PAOX: variants seen among roughly 807,000 people sequenced by gnomAD.
PAOX encodes polyamine oxidase.
In PAOX, 38 loss-of-function variants were observed where a neutral mutation model predicts 39.0. That is an observed-to-expected ratio of 0.97 (90% CI 0.75 to 1.28). The LOEUF is 1.28. Ranked by LOEUF, PAOX falls within the 50% of genes most tolerant of loss-of-function variation. The probability of loss-of-function intolerance (pLI) is 0.00; values close to 1 mark genes in which losing one functional copy is unlikely to be tolerated. For missense variants in PAOX, 667 were observed against 685.7 expected (o/e 0.97, Z 0.30); for synonymous variants, 311 against 314.4 (o/e 0.99, Z 0.11).
In PAOX at chr10:133,381,551, G is replaced by T. The variant is rs746122020; in HGVS notation, c.760G>T (p.Gly254Trp). 23 of 1,613,712 alleles carry T rather than the reference G, an allele frequency of 1.4e-5. No individual in the cohort carries two copies. The highest frequency in any genetic ancestry group is 1.9e-5 in the Non-Finnish European group (22 of 1,180,046). Residue 254 changes from glycine to tryptophan, a missense_variant, in exon 3 of 7, where the codon GGG (glycine) becomes TGG (tryptophan). Coordinates refer to ENST00000278060, the MANE Select transcript of PAOX (RefSeq NM_152911.4). Reference sequence around the variant, plus strand: ...GCCTGTGAAGACCATCCACTGGAACGGGTCCTTCCAGGAGGCAGCCTTTCC... The same window carrying T: ...GCCTGTGAAGACCATCCACTGGAACTGGTCCTTCCAGGAGGCAGCCTTTCC... Reference protein sequence around the residue: ...EKPVKTIHWNGSFQEAAFPGE... With the variant: ...EKPVKTIHWNWSFQEAAFPGE...
In PAOX at chr10:133,384,861, C is replaced by A. The variant is rs995339832; in HGVS notation, c.1121+649C>A. Among the ~76,000 whole-genome samples the A allele has an allele frequency of 6.6e-6, 1 of 152,164 alleles. No homozygotes were observed. Among genetic ancestry groups the A allele is most frequent in the Non-Finnish European group, 1.5e-5 (1 of 68,034 alleles). ...GGCACCAAGTTCTTGTTCTGAAAGACCCGGGATGGGGTGGGATGTAGGGCA... is the reference window on the plus strand; with the variant it reads ...GGCACCAAGTTCTTGTTCTGAAAGAACCGGGATGGGGTGGGATGTAGGGCA... On this transcript the variant is annotated intron_variant, in intron 4 of 6. Coordinates refer to ENST00000278060, the MANE Select transcript of PAOX (RefSeq NM_152911.4). The surrounding 1 kb of genome is among the most constrained non-coding windows in gnomAD (Gnocchi z 4.3).
chr10:133,389,134 C>G, intron 5 of PAOX, 66 bp downstream of exon 5: 1 of 1,319,410 alleles, frequency 7.6e-7, no homozygotes, highest in South Asian at 1.2e-5. Flanking sequence ...TAAACAGAAA[C>G]TAGACTTTGC....
intron 4 of PAOX, among the ~76,000 whole-genome samples, chr10:133,385,266 A>T (rs1849500199): frequency 6.6e-6 from 1 of 152,076 alleles, no homozygotes. Context: ...ACTGCACTCC[A>T]GCCTTGGCAA....
Position 133,385,744 on chromosome 10 carries a change from C to T in PAOX, c.1121+1532C>T, listed in dbSNP as rs189788854. ...AACTACAGGCACCCACCACCACGCCCGGCTAATTGTTTGTATTTTTAGTAG... is the reference window on the plus strand; with the variant it reads ...AACTACAGGCACCCACCACCACGCCTGGCTAATTGTTTGTATTTTTAGTAG... On this transcript the variant is annotated intron_variant, in intron 4 of 6. Coordinates refer to ENST00000278060, the MANE Select transcript of PAOX (RefSeq NM_152911.4). Among the ~76,000 whole-genome samples, 411 of 152,116 alleles carry T rather than the reference C, an allele frequency of 2.7e-3. 2 individuals carry two copies. The highest frequency in any genetic ancestry group is 9.5e-3 in the African/African-American group (395 of 41,482).
chr10:133,383,809 A>G (rs1849460931), intron 3 of PAOX, 151 bp from the exon 4 acceptor site: 1 of 1,052,816 alleles, frequency 9.5e-7, no homozygotes, highest in Non-Finnish European at 1.4e-6. Context: ...ACCCTATCTC[A>G]AAAACAAGGA....
chr10:133,379,904 T>C, intron 1 of PAOX, 95 bp from the exon 2 acceptor site: 1 of 1,466,802 alleles, frequency 6.8e-7, no homozygotes, highest in Non-Finnish European at 9.0e-7. Flanking sequence ...TACATCCTCC[T>C]TGGGAAGGCC....
Position 133,390,705 on chromosome 10 carries a change from A to G in PAOX, c.1393-607A>G. 1.7e-5 allele frequency: 9 copies of G among 539,006 alleles called. No homozygotes were observed. In the South Asian group the frequency reaches 2.0e-4, roughly 12 times the overall value. The allele number at this position is 539,006 out of a possible 1,614,324, so 33.4% of individuals were successfully genotyped here. ...TCCAATCAGCTCATGGTCTCTCTTC[A>G]GTGAACCTGCTTGGAAATGTTGCTT... is the stretch of plus-strand genomic sequence containing the variant. On this transcript the variant is annotated intron_variant, in intron 6 of 6. Coordinates refer to ENST00000278060, the MANE Select transcript of PAOX (RefSeq NM_152911.4).
At chr10:133,388,137 A>AAT (rs1400315360) in intron 4 of PAOX, among the ~76,000 whole-genome samples, 1 of 152,188 alleles carries the variant, frequency 6.6e-6, no homozygotes, top group East Asian at 1.9e-4. Flanking sequence ...TTTATTTTTT[A>AAT]ATATATATAT....
intron 4 of PAOX, among the ~76,000 whole-genome samples, chr10:133,388,173 GA>G (rs1468938449): frequency 1.3e-5 from 2 of 151,958 alleles, no homozygotes; most frequent in Non-Finnish European, 2.9e-5. Flanking sequence ...CAGAGGCAGG[GA>G]TATACGTGCA....
Position 133,380,288 on chromosome 10 carries a change from G to T in PAOX, c.471G>T (p.Glu157Asp). ...AGACCCCGGTGCCCAGCGTCGGGGAGTACCTCAAGAAGGAGATTGGCCAGC... is the reference window on the plus strand; with the variant it reads ...AGACCCCGGTGCCCAGCGTCGGGGATTACCTCAAGAAGGAGATTGGCCAGC... Reference protein sequence around the residue: ...AAETPVPSVGEYLKKEIGQHV... With the variant: ...AAETPVPSVGDYLKKEIGQHV... The change falls in exon 2 of 7, where the codon GAG becomes GAT. Residue 157 changes from glutamate (E) to aspartate (D), a missense_variant. Transcript: ENST00000278060. The T allele has an allele frequency of 6.2e-7, 1 of 1,612,930 alleles. No individual in the cohort carries two copies. The highest frequency in any genetic ancestry group is 8.5e-7 in the Non-Finnish European group (1 of 1,180,030).
intron 6 of PAOX, among the ~76,000 whole-genome samples, chr10:133,390,036 C>T (rs1293568675): frequency 6.6e-6 from 1 of 152,194 alleles, no homozygotes; most frequent in Non-Finnish European, 1.5e-5. Flanking sequence ...AGCTGATTCT[C>T]ATCGCTAAGT....
chr10:133,380,038 C>T lies in PAOX; in HGVS notation c.221C>T (p.Pro74Leu), dbSNP rs1403406296. The stretch of plus-strand genomic sequence containing the variant: ...GTGGGCGCGCACTGGATCCATGGGC[C>T]CTCCCGGGGTAACCCCGTCTTCCAG... ...VEVGAHWIHG[P>L]SRGNPVFQLA... Residue 74 changes from proline (P) to leucine (L), a missense_variant, in exon 2 of 7, where the codon CCC becomes CTC. Pro to Leu is a moderately conservative substitution (Grantham distance 98). Transcript: ENST00000278060. The T allele has an allele frequency of 5.9e-6, 9 of 1,520,024 alleles. No homozygotes were observed. In the Admixed American group the frequency reaches 1.8e-4, roughly 30 times the overall value. 94.2% of individuals were successfully genotyped at this position (1,520,024 alleles called of 1,614,324 possible).
intron 6 of PAOX, 149 bp downstream of exon 6, chr10:133,389,896 A>ATTTTTTTTTTTTTTTTTTTTTTTTTTT: frequency 1.1e-6 from 1 of 931,408 alleles, no homozygotes; most frequent in Non-Finnish European, 1.5e-6. Flanking sequence ...AATAATTTTT[A>ATTTTTTTTTTTTTTTTTTTTTTTTTTT]AATGTACTGT....
At position 133,380,321 on chromosome 10, in the gene PAOX, C is replaced by T. The variant is rs1426880435; in HGVS notation, c.504C>T (p.Ala168=). Residue 168 remains alanine (A), a synonymous_variant, in exon 2 of 7, where the codon GCC becomes GCT. Transcript: ENST00000278060. The part of the protein sequence containing the change: ...YLKKEIGQHV[A]GWTEDEETRK... ...AGAAGGAGATTGGCCAGCACGTGGC[C>T]GGCTGGACAGAGGATGAGGAGACCA... 5.6e-6 allele frequency: 9 copies of T among 1,612,772 alleles called. No homozygotes were observed. Among genetic ancestry groups the T allele is most frequent in the Middle Eastern group, 1.6e-4 (1 of 6,082 alleles).
chr10:133,389,761 C>T lies in PAOX; in HGVS notation c.1392+14C>T, dbSNP rs765198384. The T allele has an allele frequency of 8.8e-6, 13 of 1,476,690 alleles. No homozygotes were observed. The highest frequency in any genetic ancestry group is 1.3e-5 in the South Asian group (1 of 75,332). 91.5% of individuals were successfully genotyped at this position (1,476,690 alleles called of 1,614,324 possible). A position where few individuals can be genotyped will look rare whatever the true frequency, so the allele number is the denominator to read the frequency against. ...GCCGGCGCCCAGGTATGTGGCGTGC[C>T]CCAGTCGGGGGGCGTGGGTCCCGCT... On this transcript the variant is annotated intron_variant, in intron 6 of 6. Transcript: ENST00000278060.
rs561807074 is a variant in PAOX, at chr10:133,380,171, C to T, written c.354C>T (p.Ser118=). 5 of 1,610,586 alleles carry T rather than the reference C, an allele frequency of 3.1e-6. No homozygotes were observed. In the African/African-American group the frequency reaches 4.0e-5, roughly 13 times the overall value. ...TGCCCTCCGTGAGCTACGCCAGCTC[C>T]GGGGCCAGCGTGAGCCTCCAGCTGG... ...VGLPSVSYAS[S]GASVSLQLVA... Residue 118 remains serine (S), a synonymous_variant, in exon 2 of 7, where the codon TCC becomes TCT. Coordinates refer to ENST00000278060, the MANE Select transcript of PAOX (RefSeq NM_152911.4).
rs879223322 is a variant in PAOX at position 133,381,632 on chromosome 10, C to T, written c.841C>T (p.His281Tyr). ...TGAGGATGGAGACCGGTTCCCGGCG[C>T]ACCATGTCATCGTCACCGTGCCCTT... Reference protein sequence around the residue: ...ECEDGDRFPAHHVIVTVPLGF... With the variant: ...ECEDGDRFPAYHVIVTVPLGF... The change falls in exon 3 of 7, where the codon CAC (histidine) becomes TAC (tyrosine). Residue 281 changes from histidine to tyrosine, a missense_variant. Physicochemically the swap from His to Tyr is moderately conservative, Grantham distance 83. Transcript: ENST00000278060. The T allele has an allele frequency of 2.5e-6, 4 of 1,613,156 alleles. No individual in the cohort carries two copies. The South Asian group carries it at 4.4e-5, about 18-fold the overall frequency.
At chr10:133,379,933 G>C (rs968267930) in intron 1 of PAOX, 66 bp from the exon 2 acceptor site, 1 of 1,495,592 alleles carries the variant, frequency 6.7e-7, no homozygotes, top group African/African-American at 1.4e-5. Flanking sequence ...CGTGGCCCAG[G>C]AGAAGGGCTC....
rs562930535 is a variant in PAOX, at chr10:133,379,583, C to T, written c.181+86C>T. On this transcript the variant is annotated intron_variant, in intron 1 of 6. Transcript: ENST00000278060. The stretch of plus-strand genomic sequence containing the variant: ...CCCAACCTGCCCTGCGCGCAGCCGA[C>T]CTGCCCGGCCGCCTCACCGGGCTCC... 1.5e-3 allele frequency: 1,637 copies of T among 1,104,334 alleles called. 5 individuals are homozygous for T. The highest frequency in any genetic ancestry group is 8.8e-3 in the South Asian group (187 of 21,284). The allele number at this position is 1,104,334 out of a possible 1,614,324, so 68.4% of individuals were successfully genotyped here.
Sources: allele counts gnomAD v4.1 joint callset (sites outside exome capture counted in the v4.1 genomes callset), GRCh38; gene constraint gnomAD v4.1.1; non-coding constraint Gnocchi (gnomAD v3.1); transcripts MANE v1.5; gene names NCBI Gene and HGNC (gene_info 2026-07-23, HGNC 2026-07-21).